The following DENND5A variants were observed in gnomAD, a reference collection of about 807,000 sequenced individuals.
DENND5A encodes DENN domain-containing protein 5A.
A neutral mutation model predicts 140.3 loss-of-function variants in DENND5A; 64 were observed. The ratio of observed to expected loss-of-function variants is 0.46; its 90% CI spans 0.37 to 0.56. The LOEUF is 0.56. DENND5A is among the 20% of genes least tolerant of loss of function. The probability of loss-of-function intolerance (pLI) is 0.00; values close to 1 mark genes in which losing one functional copy is unlikely to be tolerated. For synonymous variants in DENND5A, 605 were observed against 607.7 expected, an observed-to-expected ratio of 1.00 and a Z score of 0.07; for missense variants, 1,292 against 1,593.8, an observed-to-expected ratio of 0.81 and a Z score of 3.22.
chr11:9,189,896 T>C (rs1002099099), intron 5 of DENND5A, among the ~76,000 whole-genome samples: 14 of 152,174 alleles, frequency 9.2e-5, no homozygotes, highest in African/African-American at 2.9e-4. Flanking sequence ...TGCCTCGGCC[T>C]CCCAAAGTGC....
chr11:9,243,752 G>A (rs967985647), intron 1 of DENND5A, among the ~76,000 whole-genome samples: 2 of 152,092 alleles, frequency 1.3e-5, no homozygotes, highest in East Asian at 3.9e-4. Context: ...CGGGCGTGGT[G>A]GTGGGTGCCT....
intron 12 of DENND5A, among the ~76,000 whole-genome samples, chr11:9,153,901 T>C (rs367701888): frequency 6.6e-6 from 1 of 152,240 alleles, no homozygotes; most frequent in Non-Finnish European, 1.5e-5. Context: ...GTAATTCACC[T>C]GGGTAATGAG....
chr11:9,183,590 T>C (rs865872618), intron 5 of DENND5A, among the ~76,000 whole-genome samples: 1 of 152,064 alleles, frequency 6.6e-6, no homozygotes. Context: ...TTGTTGTTGT[T>C]GAGACAGAGT....
chr11:9,153,007 A>AAG (rs1847676083), intron 12 of DENND5A, among the ~76,000 whole-genome samples: 1 of 149,444 alleles, frequency 6.7e-6, no homozygotes, highest in African/African-American at 2.5e-5. Flanking sequence ...CAAAAAAAAA[A>AAG]AAACAAAAAA....
chr11:9,264,459 G>C (rs967829639), intron 1 of DENND5A, among the ~76,000 whole-genome samples: 1 of 152,094 alleles, frequency 6.6e-6, no homozygotes, highest in African/African-American at 2.4e-5. Flanking sequence ...CAGACGCGCA[G>C]AGCTGCAATC....
chr11:9,218,408 A>G (rs1850178381), intron 1 of DENND5A, among the ~76,000 whole-genome samples: 1 of 152,104 alleles, frequency 6.6e-6, no homozygotes, highest in African/African-American at 2.4e-5. Flanking sequence ...AATAGTAATA[A>G]AATTAGTCTG....
intron 3 of DENND5A, 146 bp from the exon 4 acceptor site, chr11:9,204,463 T>C (rs756461510): frequency 6.9e-6 from 5 of 728,428 alleles, no homozygotes; most frequent in Non-Finnish European, 1.1e-5. Flanking sequence ...ATGCAAGACA[T>C]GCAAGTAAAT....
At chr11:9,174,701 A>G (rs1217246965) in intron 8 of DENND5A, among the ~76,000 whole-genome samples, 1 of 151,152 alleles carries the variant, frequency 6.6e-6, no homozygotes. Context: ...CCCCATCAAC[A>G]TTAAAACAAC....
At chr11:9,250,088 T>C (rs911763131) in intron 1 of DENND5A, among the ~76,000 whole-genome samples, 2 of 150,620 alleles carry the variant, frequency 1.3e-5, no homozygotes, top group Non-Finnish European at 3.0e-5. Flanking sequence ...GTGTTTTCCA[T>C]ATCATTTTAT....
intron 1 of DENND5A, among the ~76,000 whole-genome samples, chr11:9,235,513 C>G (rs971488175): frequency 6.6e-6 from 1 of 151,834 alleles, no homozygotes; most frequent in African/African-American, 2.4e-5. Context: ...CAAAAATTAG[C>G]TGGGCACGAT....
chr11:9,178,936 A>G lies in DENND5A; in HGVS notation c.1593T>C (p.Tyr531=), dbSNP rs547779026. The change falls in exon 7 of 23, where the codon TAT becomes TAC. Residue 531 remains tyrosine, a synonymous_variant. Coordinates refer to ENST00000328194, the MANE Select transcript of DENND5A (RefSeq NM_015213.4). Reference sequence around the variant, plus strand: ...GGCTGGGTTGGATGACAAACACCTCATAATCTGCAAACATCTGAGTGAAAC... The same window carrying G: ...GGCTGGGTTGGATGACAAACACCTCGTAATCTGCAAACATCTGAGTGAAAC... ...ANRFTQMFAD[Y]EVFVIQPSQD... The G allele has an allele frequency of 1.2e-6, 2 of 1,614,140 alleles. No homozygotes were observed. Among genetic ancestry groups the G allele is most frequent in the African/African-American group, 2.7e-5 (2 of 75,040 alleles).
At chr11:9,223,206 T>C (rs1395144990) in intron 1 of DENND5A, among the ~76,000 whole-genome samples, 3 of 151,606 alleles carry the variant, frequency 2.0e-5, no homozygotes, top group South Asian at 2.1e-4. Context: ...CGAAGCAACA[T>C]AGCAAGACAT....
In DENND5A at chr11:9,180,814, C is replaced by T. The variant is rs531351314; in HGVS notation, c.1408G>A (p.Ala470Thr). Residue 470 changes from alanine to threonine, a missense_variant, in exon 6 of 23, where the codon GCC becomes ACC. By Grantham distance (58) the Ala-to-Thr change is moderately conservative. Transcript: ENST00000328194. Reference protein sequence around the residue: ...YELLKENETIARLQALVKRTG... With the variant: ...YELLKENETITRLQALVKRTG... The stretch of plus-strand genomic sequence containing the variant: ...CTCTTGACCAAGGCTTGCAGCCGGG[C>T]AATAGTTTCATTCTCCTTAAGAAGC... The T allele has an allele frequency of 1.2e-6, 2 of 1,614,188 alleles. No homozygotes were observed. Among genetic ancestry groups the T allele is most frequent in the South Asian group, 2.2e-5 (2 of 91,082 alleles).
chr11:9,183,711 G>C (rs960121413), intron 5 of DENND5A, among the ~76,000 whole-genome samples: 1 of 151,912 alleles, frequency 6.6e-6, no homozygotes. Flanking sequence ...ACCCAGCCAG[G>C]TTTTTAAATT....
rs554493249 is a variant in DENND5A, at chr11:9,192,000, T to C, written c.1137+1494A>G. Among the ~76,000 whole-genome samples, 143 of 152,290 alleles carry C rather than the reference T, an allele frequency of 9.4e-4. 1 individual carries two copies. The highest frequency in any genetic ancestry group is 3.2e-3 in the African/African-American group (131 of 41,576). Reference sequence around the variant, plus strand: ...CCCCAATATTATCTCAACTCAATGATTTTATCCATCATTTAGATTTTTTTT... The same window carrying C: ...CCCCAATATTATCTCAACTCAATGACTTTATCCATCATTTAGATTTTTTTT... On this transcript the variant is annotated intron_variant, in intron 5 of 22. Coordinates refer to ENST00000328194, the MANE Select transcript of DENND5A (RefSeq NM_015213.4).
At chr11:9,174,102 C>CAAAAAAAAAAAAAAAAAAAAAA (rs57703622) in intron 8 of DENND5A, among the ~76,000 whole-genome samples, 1 of 42,150 alleles carries the variant, frequency 2.4e-5, no homozygotes, top group African/African-American at 8.7e-5. Context: ...GACTCCGTCT[C>CAAAAAAAAAAAAAAAAAAAAAA]AAAAAAAAAA....
chr11:9,245,320 G>T (rs907237918), intron 1 of DENND5A: 3 of 150,176 alleles, frequency 2.0e-5, no homozygotes, highest in Non-Finnish European at 4.4e-5. Flanking sequence ...AAAAAATGCA[G>T]TGGCTCATAC....
Position 9,145,252 on chromosome 11 carries a change from C to T in DENND5A, c.3004-139G>A. 4.4e-6 allele frequency: 3 copies of T among 678,662 alleles called. No individual in the cohort carries two copies. The East Asian group carries it at 7.9e-5, about 18-fold the overall frequency. The allele number at this position is 678,662 out of a possible 1,614,324, so 42.0% of individuals were successfully genotyped here. On this transcript the variant is annotated intron_variant, in intron 17 of 22. Coordinates refer to ENST00000328194, the MANE Select transcript of DENND5A (RefSeq NM_015213.4). Reference sequence around the variant, plus strand: ...GGCTTAGAGGTCATGGCTCTACATACCGCCAGAACTGCGGTACAGCACTAT... The same window carrying T: ...GGCTTAGAGGTCATGGCTCTACATATCGCCAGAACTGCGGTACAGCACTAT...
At chr11:9,181,801 G>A (rs972077463) in intron 5 of DENND5A, among the ~76,000 whole-genome samples, 1 of 152,056 alleles carries the variant, frequency 6.6e-6, no homozygotes, top group Non-Finnish European at 1.5e-5. Flanking sequence ...AAGAACCCTA[G>A]GAGTGAGTTC....
Sources: allele counts gnomAD v4.1 joint callset (sites outside exome capture counted in the v4.1 genomes callset), GRCh38; gene constraint gnomAD v4.1.1; transcripts MANE v1.5; gene names NCBI Gene and HGNC (gene_info 2026-07-23, HGNC 2026-07-21).